The following ATF6 variants were observed in gnomAD, a reference collection of about 807,000 sequenced individuals.
ATF6 encodes the protein cyclic AMP-dependent transcription factor ATF-6 alpha.
Under a neutral mutation model 83.6 loss-of-function variants are expected in ATF6, and 53 were observed. The ratio of observed to expected loss-of-function variants is 0.63; its 90% CI spans 0.51 to 0.80. The LOEUF is 0.80. ATF6 is among the 30% of genes least tolerant of loss of function. ATF6 has a pLI of 0.00. For synonymous variants in ATF6, 288 were observed against 285.8 expected, an observed-to-expected ratio of 1.01 and a Z score of -0.08; for missense variants, 744 against 797.9, an observed-to-expected ratio of 0.93 and a Z score of 0.81.
At chr1:161,853,451 C>T in intron 12 of ATF6, 128 bp downstream of exon 12, 1 of 705,272 alleles carries the variant, frequency 1.4e-6, no homozygotes, top group Non-Finnish European at 2.5e-6. Flanking sequence ...TCTCCTGCTG[C>T]TTCCGATGCA....
chr1:161,834,454 G>T (rs1305756317), intron 9 of ATF6, among the ~76,000 whole-genome samples: 1 of 152,016 alleles, frequency 6.6e-6, no homozygotes, highest in Non-Finnish European at 1.5e-5. Flanking sequence ...CCATAAAAAA[G>T]ATGAATTCAT....
intron 15 of ATF6, among the ~76,000 whole-genome samples, chr1:161,919,599 G>A (rs894172051): frequency 6.6e-6 from 1 of 152,170 alleles, no homozygotes; most frequent in Non-Finnish European, 1.5e-5. Flanking sequence ...CAAGCCATCA[G>A]CAGATATGTT....
At chr1:161,860,352 C>T (rs1259654069) in intron 13 of ATF6, 75 bp downstream of exon 13, 1 of 1,044,844 alleles carries the variant, frequency 9.6e-7, no homozygotes, top group South Asian at 2.2e-5. Context: ...ATTCACACTT[C>T]CCTTTCACCT....
intron 7 of ATF6, among the ~76,000 whole-genome samples, chr1:161,811,781 A>G (rs566908696): frequency 2.7e-4 from 40 of 147,250 alleles, no homozygotes; most frequent in Middle Eastern, 7.0e-3. Context: ...CCATCCATCC[A>G]TCCATCCATA....
chr1:161,844,879 T>G (rs1571183201), intron 9 of ATF6, among the ~76,000 whole-genome samples: 1 of 152,334 alleles, frequency 6.6e-6, no homozygotes, highest in East Asian at 1.9e-4. Flanking sequence ...AGACAGACAT[T>G]CCACTAGGTC....
In ATF6 at chr1:161,784,091, G is replaced by A; in HGVS notation, c.349G>A (p.Val117Ile). 3 of 1,603,280 alleles carry A rather than the reference G, an allele frequency of 1.9e-6. No individual in the cohort carries two copies. The highest frequency in any genetic ancestry group is 2.6e-6 in the Non-Finnish European group (3 of 1,171,012). ...GGACTCTTATTCTTCAACTCAGCATGTTCCTGTGAGTAGCCAGTCTTTTAC... is the reference window on the plus strand; with the variant it reads ...GGACTCTTATTCTTCAACTCAGCATATTCCTGTGAGTAGCCAGTCTTTTAC... ...SVDSYSSTQH[V>I]PEELDLSSSS... is the part of the protein sequence containing the mutation. Residue 117 changes from valine (V) to isoleucine (I), a missense_variant, in exon 4 of 16, where the codon GTT becomes ATT. Coordinates refer to ENST00000367942, the MANE Select transcript of ATF6 (RefSeq NM_007348.4).
chr1:161,867,334 G>A (rs1687029275), intron 14 of ATF6, among the ~76,000 whole-genome samples: 1 of 152,026 alleles, frequency 6.6e-6, no homozygotes, highest in Non-Finnish European at 1.5e-5. Flanking sequence ...ATTTAGGGAG[G>A]GAGGGAGGAG....
chr1:161,901,226 T>A (rs1687780133), intron 14 of ATF6, among the ~76,000 whole-genome samples: 1 of 151,970 alleles, frequency 6.6e-6, no homozygotes, highest in South Asian at 2.1e-4. Context: ...GCATATTGGG[T>A]GATGCTGAGG....
At chr1:161,894,234 T>G (rs543901861) in intron 14 of ATF6, among the ~76,000 whole-genome samples, 47 of 151,706 alleles carry the variant, frequency 3.1e-4, no homozygotes, top group African/African-American at 1.1e-3. Context: ...GGTGTTTTTT[T>G]TTTTTTTTTT....
intron 15 of ATF6, among the ~76,000 whole-genome samples, chr1:161,929,188 T>C (rs902334581): frequency 2.0e-5 from 3 of 152,226 alleles, no homozygotes; most frequent in Non-Finnish European, 2.9e-5. Context: ...ATCAGTTTTC[T>C]TAGTTTCAGG....
At chr1:161,913,215 A>T (rs1043933588) in intron 15 of ATF6, among the ~76,000 whole-genome samples, 1 of 152,212 alleles carries the variant, frequency 6.6e-6, no homozygotes, top group Non-Finnish European at 1.5e-5. Context: ...AGGTACTAGT[A>T]AATTTTCTGT....
chr1:161,804,320 A>G (rs991536459), intron 7 of ATF6, among the ~76,000 whole-genome samples: 5 of 152,194 alleles, frequency 3.3e-5, no homozygotes, highest in African/African-American at 4.8e-5. Flanking sequence ...AAAAATACAT[A>G]GGTCAACAGT....
chr1:161,941,597 G>C (rs1015220299), intron 15 of ATF6, among the ~76,000 whole-genome samples: 2 of 152,206 alleles, frequency 1.3e-5, no homozygotes, highest in African/African-American at 4.8e-5. Flanking sequence ...CCTTAGAGAT[G>C]AATGGTAACC....
intron 7 of ATF6, among the ~76,000 whole-genome samples, chr1:161,807,785 G>A (rs1460306887): frequency 6.7e-6 from 1 of 148,316 alleles, no homozygotes; most frequent in Non-Finnish European, 1.5e-5. Context: ...CCTTCCTGAT[G>A]CATTGCATTA....
At chr1:161,897,284 G>A (rs12124369) in intron 14 of ATF6, among the ~76,000 whole-genome samples, 96,445 of 151,366 alleles carry the variant, frequency 0.64, 33,381 homozygotes, top group Middle Eastern at 0.77. Flanking sequence ...AATACAAAAA[G>A]TTAGCCGGGC....
intron 14 of ATF6, among the ~76,000 whole-genome samples, chr1:161,885,622 A>G (rs936139757): frequency 1.3e-5 from 2 of 152,130 alleles, no homozygotes; most frequent in African/African-American, 2.4e-5. Context: ...AGGAAAAAAG[A>G]AAAAGATAAG....
At position 161,818,495 on chromosome 1, in the gene ATF6, G is replaced by A. The variant is rs180788130; in HGVS notation, c.910-1138G>A. On this transcript the variant is annotated intron_variant, in intron 7 of 15. Coordinates refer to ENST00000367942, the MANE Select transcript of ATF6 (RefSeq NM_007348.4). ...ATCTAGGTGGGGAAAGAGAGAGAGA[G>A]TTAACATTCTTGAAACAATTGAGAG... Among the ~76,000 whole-genome samples, 18 of 152,276 alleles carry A rather than the reference G, an allele frequency of 1.2e-4. No individual in the cohort carries two copies. The East Asian group carries it at 3.3e-3, about 28-fold the overall frequency.
chr1:161,928,187 T>C (rs1365835928), intron 15 of ATF6, among the ~76,000 whole-genome samples: 1 of 152,214 alleles, frequency 6.6e-6, no homozygotes, highest in African/African-American at 2.4e-5. Flanking sequence ...TCCTTTGAGG[T>C]CATTTTTCTG....
intron 1 of ATF6, 65 bp downstream of exon 1, chr1:161,766,507 A>G: frequency 1.3e-6 from 2 of 1,499,724 alleles, no homozygotes; most frequent in Non-Finnish European, 1.8e-6. Flanking sequence ...CTTCCTCCCT[A>G]CTTCCGCCCA....
Sources: gnomAD v4.1 joint callset for allele counts (sites outside exome capture counted in the v4.1 genomes callset) on GRCh38, gnomAD v4.1.1 for gene constraint, MANE v1.5 for transcripts, NCBI Gene and HGNC (gene_info 2026-07-23, HGNC 2026-07-21) for gene names.